THSD4: variants seen among roughly 807,000 people sequenced by gnomAD.
The protein encoded by THSD4 is thrombospondin type-1 domain-containing protein 4.
THSD4 carries 69 observed loss-of-function variants against 119.0 expected under a neutral mutation model. That is an observed-to-expected ratio of 0.58 (90% CI 0.48 to 0.71). The LOEUF (loss-of-function observed/expected upper bound fraction) is 0.71. Ranked by LOEUF, THSD4 falls within the 30% of genes least tolerant of loss-of-function variation. THSD4 has a pLI of 0.00. For missense variants in THSD4, 1,393 were observed against 1,391.1 expected (o/e 1.00, Z -0.02); for synonymous variants, 524 against 540.4 (o/e 0.97, Z 0.42).
intron 6 of THSD4, among the ~76,000 whole-genome samples, chr15:71,348,690 A>G (rs528489873): frequency 6.6e-6 from 1 of 152,354 alleles, no homozygotes; most frequent in South Asian, 2.1e-4. Context: ...TTCCCAATAC[A>G]AATTGTTGCT....
chr15:71,609,779 G>A (rs1025478907), intron 7 of THSD4, among the ~76,000 whole-genome samples: 19 of 149,170 alleles, frequency 1.3e-4, no homozygotes, highest in African/African-American at 4.4e-4. Context: ...GTGAACCCAG[G>A]AGGCAGAGCT....
In THSD4 at chr15:71,492,894, CT is replaced by C. The variant is rs11437149; in HGVS notation, c.1152+81084del. Reference sequence around the variant, plus strand: ...AAACCCTTTGCCCTCCATGAAATGTCTTTTTTTTTTTTTAGAACCATATAAT... The same window carrying C: ...AAACCCTTTGCCCTCCATGAAATGTCTTTTTTTTTTTTAGAACCATATAAT... On this transcript the variant is annotated intron_variant, in intron 7 of 17. Transcript: ENST00000261862. Among the ~76,000 whole-genome samples, 596 of 143,820 alleles carry C rather than the reference CT, an allele frequency of 4.1e-3. 2 individuals carry two copies. The highest frequency in any genetic ancestry group is 0.039 in the Middle Eastern group (11 of 282). The allele number at this position is 143,820 out of a possible 152,430, so 94.4% of individuals were successfully genotyped here.
chr15:71,422,579 G>A (rs2046822482), intron 7 of THSD4, among the ~76,000 whole-genome samples: 1 of 152,170 alleles, frequency 6.6e-6, no homozygotes, highest in African/African-American at 2.4e-5. Context: ...TGGAATCAGG[G>A]AAGGGGTGAC....
At chr15:71,708,587 A>G (rs947709249) in intron 8 of THSD4, among the ~76,000 whole-genome samples, 1 of 152,210 alleles carries the variant, frequency 6.6e-6, no homozygotes, top group African/African-American at 2.4e-5. Flanking sequence ...GGGCAAAGCC[A>G]TGTCAGGAAC....
chr15:71,595,033 A>T (rs1391990153), intron 7 of THSD4, among the ~76,000 whole-genome samples: 1 of 152,160 alleles, frequency 6.6e-6, no homozygotes, highest in African/African-American at 2.4e-5. Context: ...TATGGTATAA[A>T]CAGGAAAAGT....
Position 71,670,475 on chromosome 15 carries a change from G to GT in THSD4, c.1357+9750dup, listed in dbSNP as rs1034781284. Reference sequence around the variant, plus strand: ...TGTGCCACATTTTCTTTTTTTGTTTGTTTTTTTTTAGATTTAAATTTTACA... The same window carrying GT: ...TGTGCCACATTTTCTTTTTTTGTTTGTTTTTTTTTTAGATTTAAATTTTACA... On this transcript the variant is annotated intron_variant, in intron 8 of 17. Coordinates refer to ENST00000261862, the MANE Select transcript of THSD4 (RefSeq NM_024817.3). Among the ~76,000 whole-genome samples the GT allele has an allele frequency of 1.1e-4, 16 of 145,162 alleles. No homozygotes were observed. The South Asian group carries it at 1.3e-3, about 12-fold the overall frequency.
intron 7 of THSD4, among the ~76,000 whole-genome samples, chr15:71,443,700 G>A (rs1189748325): frequency 2.6e-5 from 4 of 152,100 alleles, no homozygotes; most frequent in Non-Finnish European, 2.9e-5. Context: ...TCCACGTTGC[G>A]CTTTTTGAAA....
At chr15:71,698,261 G>T (rs1454266563) in intron 8 of THSD4, among the ~76,000 whole-genome samples, 1 of 152,216 alleles carries the variant, frequency 6.6e-6, no homozygotes. Context: ...AATGTAGTCA[G>T]CTGGGTGCTA....
intron 3 of THSD4, among the ~76,000 whole-genome samples, chr15:71,168,098 A>C (rs1294318402): frequency 6.6e-6 from 1 of 152,256 alleles, no homozygotes; most frequent in East Asian, 1.9e-4. Flanking sequence ...CATTCTTGGC[A>C]ATTAATTAAA....
At chr15:71,368,565 T>G (rs1042942513) in intron 6 of THSD4, among the ~76,000 whole-genome samples, 18 of 152,364 alleles carry the variant, frequency 1.2e-4, no homozygotes, top group African/African-American at 4.1e-4. Flanking sequence ...TTCTTGTTTT[T>G]GTCAGGTTTG....
At chr15:71,365,266 T>C (rs2045946853) in intron 6 of THSD4, among the ~76,000 whole-genome samples, 1 of 151,866 alleles carries the variant, frequency 6.6e-6, no homozygotes, top group African/African-American at 2.4e-5. Context: ...GATTTCCAGG[T>C]GAAGCAAAGA....
intron 7 of THSD4, among the ~76,000 whole-genome samples, chr15:71,598,594 C>T (rs2049949289): frequency 6.6e-6 from 1 of 152,000 alleles, no homozygotes; most frequent in African/African-American, 2.4e-5. Context: ...ACAGTTCTTC[C>T]TGTTTCTCTT....
At chr15:71,746,734 C>A in intron 12 of THSD4, 104 bp from the exon 13 acceptor site, 1 of 1,234,296 alleles carries the variant, frequency 8.1e-7, no homozygotes, top group Non-Finnish European at 1.2e-6. Flanking sequence ...AGAAACTCTA[C>A]CCATAGTGAT....
intron 7 of THSD4, among the ~76,000 whole-genome samples, chr15:71,465,055 G>A (rs529946969): frequency 5.9e-5 from 9 of 152,074 alleles, no homozygotes; most frequent in African/African-American, 2.2e-4. Context: ...TTCTTGGTGA[G>A]CGAGTGACTC....
rs561598011 is a variant in THSD4, at chr15:71,179,999, G to A, written c.99+25067G>A. On this transcript the variant is annotated intron_variant, in intron 3 of 17. Transcript: ENST00000261862. ...ACACTCTGGGGACTGTGGTGGGGTC[G>A]GGGGAGGGGGGAGGGATAGCATTGG... Among the ~76,000 whole-genome samples, 8 of 99,308 alleles carry A rather than the reference G, an allele frequency of 8.1e-5. No homozygotes were observed. The South Asian group carries it at 3.6e-3, about 45-fold the overall frequency. The allele number at this position is 99,308 out of a possible 152,430, so 65.1% of individuals were successfully genotyped here. A position where few individuals can be genotyped will look rare whatever the true frequency, so the allele number is the denominator to read the frequency against.
chr15:71,516,739 A>T (rs2048366959), intron 7 of THSD4, among the ~76,000 whole-genome samples: 1 of 152,228 alleles, frequency 6.6e-6, no homozygotes, highest in Non-Finnish European at 1.5e-5. Flanking sequence ...CTAGTAACTG[A>T]AATCATTAGT....
chr15:71,186,184 G>A (rs1349519942), intron 3 of THSD4: 1 of 152,192 alleles, frequency 6.6e-6, no homozygotes, highest in African/African-American at 2.4e-5. Flanking sequence ...ATGCAATGGG[G>A]GGAAAAGAGG....
At chr15:71,262,884 C>A (rs911290460) in intron 6 of THSD4, among the ~76,000 whole-genome samples, 13 of 151,960 alleles carry the variant, frequency 8.6e-5, no homozygotes, top group Non-Finnish European at 5.9e-5. Context: ...AGCTGTATCT[C>A]AACTCATGAT....
rs538769363 is a variant in THSD4 at position 71,465,923 on chromosome 15, T to G, written c.1152+54100T>G. On this transcript the variant is annotated intron_variant, in intron 7 of 17. Coordinates refer to ENST00000261862, the MANE Select transcript of THSD4 (RefSeq NM_024817.3). ...TCCTGTGGCAGGTGAGTGAAAGGCC[T>G]GGGAAGAAGGCCAAGGATGAAATTG... is the stretch of plus-strand genomic sequence containing the variant. Among the ~76,000 whole-genome samples, 365 of 152,282 alleles carry G rather than the reference T, an allele frequency of 2.4e-3. 17 individuals are homozygous for G. The South Asian group carries it at 0.06, about 25-fold the overall frequency.
Sources: gnomAD v4.1 joint callset for allele counts (sites outside exome capture counted in the v4.1 genomes callset) on GRCh38, gnomAD v4.1.1 for gene constraint, MANE v1.5 for transcripts, NCBI Gene and HGNC (gene_info 2026-07-23, HGNC 2026-07-21) for gene names.